ARHGAP6: variants seen among roughly 807,000 people sequenced by gnomAD.
ARHGAP6 encodes rho GTPase-activating protein 6.
ARHGAP6 carries 16 observed loss-of-function variants against 55.7 expected under a neutral mutation model. The observed-to-expected ratio is 0.29, with a 90% CI of 0.19 to 0.44. ARHGAP6 has a LOEUF of 0.44. Ranked by LOEUF, ARHGAP6 falls within the 20% of genes least tolerant of loss-of-function variation. ARHGAP6 has a pLI of 1.00. For synonymous variants in ARHGAP6, 382 were observed against 360.9 expected (o/e 1.06, Z -0.66); for missense variants, 698 against 808.9 (o/e 0.86, Z 1.66).
At chrX:11,593,486 A>G (rs1251856753) in intron 1 of ARHGAP6, among the ~76,000 whole-genome samples, 1 of 112,159 alleles carries the variant, frequency 8.9e-6, no homozygotes, top group Non-Finnish European at 1.9e-5. Flanking sequence ...TAATGAAACT[A>G]TTCTGTATGA....
intron 1 of ARHGAP6, among the ~76,000 whole-genome samples, chrX:11,311,106 G>T (rs939499771): frequency 9.0e-6 from 1 of 111,174 alleles, no homozygotes; most frequent in Non-Finnish European, 1.9e-5. Context: ...AAAAATTAGG[G>T]TATTGCCTCC....
chrX:11,335,922 G>C (rs954027179), intron 1 of ARHGAP6: 1 of 144,339 alleles, frequency 6.9e-6, no homozygotes, highest in Non-Finnish European at 1.3e-5. Flanking sequence ...TGGACCTTGA[G>C]AGTGCAGTGG....
intron 1 of ARHGAP6, among the ~76,000 whole-genome samples, chrX:11,505,455 T>G (rs1383464971): frequency 2.7e-5 from 3 of 110,046 alleles, no homozygotes; most frequent in Non-Finnish European, 3.8e-5. Context: ...TTGGCAGGAG[T>G]GTAAATTAGT....
rs1601699316 is a variant in ARHGAP6, at chrX:11,613,782, T to C, written c.588+50459A>G. Among the ~76,000 whole-genome samples the C allele has an allele frequency of 4.4e-5, 5 of 112,661 alleles. 1 individual carries two copies. The Admixed American group carries it at 4.7e-4, about 11-fold the overall frequency. On this transcript the variant is annotated intron_variant, in intron 1 of 12. Transcript: ENST00000337414. ...CACACTCTTAGGAAGAGTCAATGGT[T>C]GGTGCTGTTTGATAGCTTTGGGCTA...
At chrX:11,223,074 T>C (rs1223548726) in intron 2 of ARHGAP6, 3 of 137,498 alleles carry the variant, frequency 2.2e-5, no homozygotes, top group Non-Finnish European at 4.4e-5. Flanking sequence ...TGCTGAACCA[T>C]CATGTCCCAT....
At chrX:11,264,231 A>C (rs2047596287) in intron 1 of ARHGAP6, among the ~76,000 whole-genome samples, 1 of 111,727 alleles carries the variant, frequency 9.0e-6, no homozygotes, top group African/African-American at 3.3e-5. Context: ...TGTAAAAAAA[A>C]AAATCAAACA....
At chrX:11,398,489 T>G (rs2049508880) in intron 1 of ARHGAP6, among the ~76,000 whole-genome samples, 1 of 111,446 alleles carries the variant, frequency 9.0e-6, no homozygotes, top group South Asian at 3.7e-4. Context: ...GGAATGAAAG[T>G]GCCATTCTTG....
chrX:11,174,130 T>C (rs1410708579), intron 8 of ARHGAP6, among the ~76,000 whole-genome samples: 2 of 111,912 alleles, frequency 1.8e-5, no homozygotes, highest in African/African-American at 6.5e-5. Context: ...AAATAATAAA[T>C]AACTCCTCTC....
intron 1 of ARHGAP6, among the ~76,000 whole-genome samples, chrX:11,514,582 T>G (rs936203465): frequency 9.1e-6 from 1 of 110,192 alleles, no homozygotes; most frequent in Non-Finnish European, 1.9e-5. Context: ...AGAAGACAAA[T>G]TGCCTCCATT....
chrX:11,503,187 T>C (rs2050698085), intron 1 of ARHGAP6, among the ~76,000 whole-genome samples: 1 of 111,472 alleles, frequency 9.0e-6, no homozygotes, highest in Non-Finnish European at 1.9e-5. Context: ...TGAGCCACCG[T>C]GCCCAGCCAT....
intron 1 of ARHGAP6, among the ~76,000 whole-genome samples, chrX:11,498,165 A>AT (rs985345969): frequency 8.1e-5 from 9 of 111,145 alleles, no homozygotes; most frequent in African/African-American, 2.6e-4. Context: ...GTTCTTTCTG[A>AT]TTTTTTCCCA....
Position 11,497,559 on chromosome X carries a change from T to TTCTCTCTCTCTCTCTC in ARHGAP6, c.588+166666_588+166681dup, listed in dbSNP as rs34138329. On this transcript the variant is annotated intron_variant, in intron 1 of 12. Coordinates refer to ENST00000337414, the MANE Select transcript of ARHGAP6 (RefSeq NM_013427.3). ...CTCCCACCCCCTTCCCCCTCCCTCC[T>TTCTCTCTCTCTCTCTC]TCTCTCTCTCTCTCTCTCTCTCTCT... is the stretch of plus-strand genomic sequence containing the variant. Among the ~76,000 whole-genome samples the TTCTCTCTCTCTCTCTC allele has an allele frequency of 3.1e-3, 127 of 41,123 alleles. 3 individuals are homozygous for TTCTCTCTCTCTCTCTC. Among genetic ancestry groups the TTCTCTCTCTCTCTCTC allele is most frequent in the Middle Eastern group, 0.019 (1 of 53 alleles). 35.7% of individuals were successfully genotyped at this position (41,123 alleles called of 115,157 possible). A position where few individuals can be genotyped will look rare whatever the true frequency, so the allele number is the denominator to read the frequency against.
intron 1 of ARHGAP6, among the ~76,000 whole-genome samples, chrX:11,313,788 T>C (rs1450182313): frequency 4.5e-5 from 5 of 112,296 alleles, no homozygotes. Context: ...GCTAAGAATT[T>C]TGATAAATGA....
At chrX:11,257,854 T>C (rs1472965577) in intron 1 of ARHGAP6, among the ~76,000 whole-genome samples, 1 of 111,629 alleles carries the variant, frequency 9.0e-6, no homozygotes, top group Non-Finnish European at 1.9e-5. Flanking sequence ...ATAGAGAAGG[T>C]AGTGTTTCAA....
At chrX:11,514,052 C>T (rs2050810399) in intron 1 of ARHGAP6, among the ~76,000 whole-genome samples, 1 of 105,341 alleles carries the variant, frequency 9.5e-6, no homozygotes, top group Non-Finnish European at 1.9e-5. Flanking sequence ...GTCCCAGCTA[C>T]TCAGGAGGCT....
At chrX:11,536,615 C>T (rs1379142037) in intron 1 of ARHGAP6, among the ~76,000 whole-genome samples, 2 of 112,079 alleles carry the variant, frequency 1.8e-5, no homozygotes, top group Non-Finnish European at 3.8e-5. Flanking sequence ...TATTTTGTTT[C>T]TTTGTGAACA....
rs1556119234 is a variant in ARHGAP6, at chrX:11,590,910, G to GAAAGAAAGAAAGAAAAGA, written c.588+73330_588+73331insTCTTTTCTTTCTTTCTTT. Among the ~76,000 whole-genome samples the GAAAGAAAGAAAGAAAAGA allele has an allele frequency of 1.8e-4, 15 of 83,852 alleles. 4 individuals carry two copies. The highest frequency in any genetic ancestry group is 6.7e-4 in the African/African-American group (14 of 20,978). 72.8% of individuals were successfully genotyped at this position (83,852 alleles called of 115,157 possible). A position where few individuals can be genotyped will look rare whatever the true frequency, so the allele number is the denominator to read the frequency against. ...AGAAAGAAAGAAAGAAAGAAAGAAA[G>GAAAGAAAGAAAGAAAAGA]AAAGAAAAGAAAAGAAAAGATAAGT... is the stretch of plus-strand genomic sequence containing the variant. On this transcript the variant is annotated intron_variant, in intron 1 of 12. Transcript: ENST00000337414.
rs1190521388 is a variant in ARHGAP6 at position 11,177,298 on chromosome X, C to CA, written c.1629+801dup. 3.1e-3 allele frequency among the ~76,000 whole-genome samples: 244 copies of CA among 78,709 alleles called. 1 individual carries two copies. Among genetic ancestry groups the CA allele is most frequent in the African/African-American group, 9.8e-3 (201 of 20,497 alleles). The allele number at this position is 78,709 out of a possible 115,157, so 68.3% of individuals were successfully genotyped here. A position where few individuals can be genotyped will look rare whatever the true frequency, so the allele number is the denominator to read the frequency against. On this transcript the variant is annotated intron_variant, in intron 8 of 12. Transcript: ENST00000337414. ...GCATCTCATTTGTCCAAGGGTGAAA[C>CA]AAAAAAAAAAATCTTGAAATATATG...
intron 1 of ARHGAP6, among the ~76,000 whole-genome samples, chrX:11,577,261 G>A (rs2051610296): frequency 8.9e-6 from 1 of 112,073 alleles, no homozygotes; most frequent in African/African-American, 3.2e-5. Context: ...AGTTGGTAGG[G>A]GAGTGAGAGG....
Sources: gnomAD v4.1 joint callset for allele counts (sites outside exome capture counted in the v4.1 genomes callset) on GRCh38, gnomAD v4.1.1 for gene constraint, MANE v1.5 for transcripts, NCBI Gene and HGNC (gene_info 2026-07-23, HGNC 2026-07-21) for gene names.